The following AMZ1 variants were observed in gnomAD, a reference collection of about 807,000 sequenced individuals.
AMZ1 encodes the protein archaelysin family metallopeptidase 1, also known as archaemetzincin-1.
A neutral mutation model predicts 29.9 loss-of-function variants in AMZ1; 39 were observed. That is an observed-to-expected ratio of 1.30 (90% CI 1.01 to 1.70). AMZ1 has a LOEUF of 1.70. Ranked by LOEUF, AMZ1 falls within the 40% of genes most tolerant of loss-of-function variation. The pLI, the probability that AMZ1 is intolerant of heterozygous loss-of-function variation, is 0.00. For missense variants in AMZ1, 1,041 were observed against 680.6 expected, an observed-to-expected ratio of 1.53 and a Z score of -5.89; for synonymous variants, 458 against 304.0, an observed-to-expected ratio of 1.51 and a Z score of -5.27.
Position 2,700,722 on chromosome 7 carries a change from C to T in AMZ1, c.271C>T (p.Leu91=). The part of the protein sequence containing the change: ...HASLQHRKPR[L]ARKHIYLQPI... ...CTCCCTGCAGCACCGGAAGCCCCGCCTGGCTCGGAAGCACATCTACCTACA... is the reference window on the plus strand; with the variant it reads ...CTCCCTGCAGCACCGGAAGCCCCGCTTGGCTCGGAAGCACATCTACCTACA... Residue 91 remains leucine (L), a synonymous_variant, in exon 2 of 7, where the codon CTG becomes TTG. Coordinates refer to ENST00000683327, the MANE Select transcript of AMZ1 (RefSeq NM_001384743.1). The T allele has an allele frequency of 6.2e-7, 1 of 1,613,114 alleles. No homozygotes were observed. The highest frequency in any genetic ancestry group is 8.5e-7 in the Non-Finnish European group (1 of 1,180,018).
At chr7:2,756,423 G>T (rs564607146) in intron 4 of AMZ1, among the ~76,000 whole-genome samples, 1 of 152,144 alleles carries the variant, frequency 6.6e-6, no homozygotes, top group African/African-American at 2.4e-5. Context: ...GACCAGCCTG[G>T]GCAATAGAGT....
chr7:2,708,823 G>A (rs893617687), intron 4 of AMZ1, 107 bp downstream of exon 4: 10 of 1,540,422 alleles, frequency 6.5e-6, no homozygotes, highest in Non-Finnish European at 8.8e-6. Context: ...CACCCTCCTG[G>A]TGGAAGTCAA....
intron 3 of AMZ1, among the ~76,000 whole-genome samples, chr7:2,706,853 T>C (rs1239310737): frequency 6.6e-6 from 1 of 152,186 alleles, no homozygotes; most frequent in Non-Finnish European, 1.5e-5. Context: ...ATTAGCATCA[T>C]TGTCAATCAA....
chr7:2,750,846 T>TA (rs1463950787), intron 4 of AMZ1, among the ~76,000 whole-genome samples: 4 of 152,200 alleles, frequency 2.6e-5, no homozygotes, highest in Non-Finnish European at 5.9e-5. Flanking sequence ...GCGAAAGTTT[T>TA]AGAGTTATCA....
chr7:2,708,740 T>A, intron 4 of AMZ1, 24 bp downstream of exon 4: 4 of 1,611,564 alleles, frequency 2.5e-6, no homozygotes, highest in Non-Finnish European at 3.4e-6. Context: ...CCAGCAGCTG[T>A]GCGTGGGGGG....
chr7:2,720,693 G>A (rs553845746), downstream of AMZ1, among the ~76,000 whole-genome samples: 49 of 151,716 alleles, frequency 3.2e-4, no homozygotes, highest in South Asian at 5.0e-3. Context: ...GAGCCACTGC[G>A]CCCAGCCTTT....
chr7:2,736,999 C>G (rs1790215750), intron 4 of AMZ1, among the ~76,000 whole-genome samples: 2 of 152,338 alleles, frequency 1.3e-5, no homozygotes, highest in South Asian at 4.1e-4. Context: ...CTAATTGGAG[C>G]CTTTCTACCC....
chr7:2,712,895 C>T lies in AMZ1; in HGVS notation c.*17C>T, dbSNP rs375263657. ...GAGAGTTAGTACAGCAGGGGCTGCC[C>T]TACGTCTCCTTCCCTAAGGATGCTG... On this transcript the variant is annotated 3_prime_UTR_variant, in exon 7 of 7. Transcript: ENST00000683327. 1.2e-5 allele frequency: 18 copies of T among 1,509,042 alleles called. No homozygotes were observed. Among genetic ancestry groups the T allele is most frequent in the Admixed American group, 2.3e-5 (1 of 43,776 alleles). The allele number at this position is 1,509,042 out of a possible 1,614,324, so 93.5% of individuals were successfully genotyped here.
upstream of AMZ1, among the ~76,000 whole-genome samples, chr7:2,687,323 T>TC: frequency 6.7e-6 from 1 of 149,848 alleles, no homozygotes; most frequent in Non-Finnish European, 1.5e-5. Context: ...CGAGACTCCA[T>TC]CTAAAAAAAA....
At chr7:2,747,370 T>C (rs950189511) in intron 4 of AMZ1, among the ~76,000 whole-genome samples, 12 of 152,174 alleles carry the variant, frequency 7.9e-5, no homozygotes, top group Admixed American at 1.3e-4. Flanking sequence ...GTTCAACATA[T>C]GCAAATCAAT....
At chr7:2,762,818 C>T (rs1216062425), upstream of AMZ1, 2 of 1,523,420 alleles carry the variant, frequency 1.3e-6, no homozygotes, top group South Asian at 2.5e-5. Flanking sequence ...GGCCTCCCAT[C>T]CGCCACACAC....
At chr7:2,694,541 C>T (rs1170492027) in intron 1 of AMZ1, among the ~76,000 whole-genome samples, 4 of 152,256 alleles carry the variant, frequency 2.6e-5, no homozygotes, top group African/African-American at 9.6e-5. Context: ...AGTGATCCTT[C>T]TGCCTCCCGA....
upstream of AMZ1, among the ~76,000 whole-genome samples, chr7:2,685,036 A>C (rs1371517919): frequency 6.6e-6 from 1 of 151,550 alleles, no homozygotes; most frequent in African/African-American, 2.4e-5. Context: ...CGCCCGGCTA[A>C]TTTTTTGTAT....
At chr7:2,724,194 C>T (rs555315311), downstream of AMZ1, among the ~76,000 whole-genome samples, 5 of 152,308 alleles carry the variant, frequency 3.3e-5, no homozygotes, top group African/African-American at 1.2e-4. Context: ...GCTGGGATTA[C>T]GGGCATGAGC....
rs558749928 is a variant in AMZ1 at position 2,700,773 on chromosome 7, C to T, written c.304+18C>T. 1.2e-6 allele frequency: 2 copies of T among 1,606,468 alleles called. No homozygotes were observed. The highest frequency in any genetic ancestry group is 1.1e-5 in the South Asian group (1 of 90,898). Reference sequence around the variant, plus strand: ...GCCGATAGGTACGGGACGCCTGCAGCCATCGGCACGCTCCTGGGGGACCAG... The same window carrying T: ...GCCGATAGGTACGGGACGCCTGCAGTCATCGGCACGCTCCTGGGGGACCAG... On this transcript the variant is annotated intron_variant, in intron 2 of 6. Transcript: ENST00000683327.
intron 4 of AMZ1, among the ~76,000 whole-genome samples, chr7:2,732,082 A>G (rs1424201962): frequency 6.6e-6 from 1 of 152,046 alleles, no homozygotes; most frequent in Non-Finnish European, 1.5e-5. Flanking sequence ...ATACCTTTTT[A>G]TTTTTCTAAC....
intron 4 of AMZ1, among the ~76,000 whole-genome samples, chr7:2,753,898 A>G (rs1042342710): frequency 2.0e-5 from 3 of 152,038 alleles, no homozygotes; most frequent in Non-Finnish European, 4.4e-5. Context: ...GATCATCTCA[A>G]TGTGGCAGGG....
In AMZ1 at chr7:2,709,536, G is replaced by T. The variant is rs4721978; in HGVS notation, c.772-104G>T. On this transcript the variant is annotated intron_variant, in intron 5 of 6. Transcript: ENST00000683327. Reference sequence around the variant, plus strand: ...CGCCTGGACCACCTCCCGGCCATCTGGCCTCACCCAGGTCCTCATTTTGGT... The same window carrying T: ...CGCCTGGACCACCTCCCGGCCATCTTGCCTCACCCAGGTCCTCATTTTGGT... The T allele has an allele frequency of 0.44, 647,237 of 1,478,558 alleles. 147,024 individuals are homozygous for T. The highest frequency in any genetic ancestry group is 0.59 in the Middle Eastern group (2,359 of 3,996). The allele number at this position is 1,478,558 out of a possible 1,614,324, so 91.6% of individuals were successfully genotyped here.
downstream of AMZ1, among the ~76,000 whole-genome samples, chr7:2,719,726 C>T (rs1056940736): frequency 6.6e-5 from 10 of 150,852 alleles, no homozygotes; most frequent in African/African-American, 2.4e-4. Context: ...TGTTGCCCAG[C>T]CTGGAGTGCA....
Sources: allele counts gnomAD v4.1 joint callset (sites outside exome capture counted in the v4.1 genomes callset), GRCh38; gene constraint gnomAD v4.1.1; transcripts MANE v1.5; gene names NCBI Gene and HGNC (gene_info 2026-07-23, HGNC 2026-07-21).